Variants in NR6A1 observed in about 807,000 individuals in gnomAD.
The protein encoded by NR6A1 is nuclear receptor subfamily 6 group A member 1.
Under a neutral mutation model 59.1 loss-of-function variants are expected in NR6A1, and 7 were observed. That is an observed-to-expected ratio of 0.12 (90% CI 0.07 to 0.22). The LOEUF (loss-of-function observed/expected upper bound fraction) is 0.22, where lower values mean the gene tolerates loss of function less well. Among genes scored for constraint, NR6A1 ranks in the 10% least tolerant of loss-of-function variants. The pLI is 1.00. For synonymous variants in NR6A1, 243 were observed against 236.1 expected (o/e 1.03, Z -0.27); for missense variants, 468 against 611.6 (o/e 0.77, Z 2.48).
intron 2 of NR6A1, among the ~76,000 whole-genome samples, chr9:124,610,955 A>G (rs1260412439): frequency 6.6e-6 from 1 of 152,168 alleles, no homozygotes; most frequent in Admixed American, 6.5e-5. Context: ...TTTTGACCCC[A>G]AATAACTTTC....
At chr9:124,712,537 G>A (rs1265194942) in intron 2 of NR6A1, among the ~76,000 whole-genome samples, 1 of 151,870 alleles carries the variant, frequency 6.6e-6, no homozygotes, top group African/African-American at 2.4e-5. Context: ...GAACCTGGGA[G>A]GCGAAGGATG....
At chr9:124,533,180 G>T (rs892801799) in intron 7 of NR6A1, among the ~76,000 whole-genome samples, 21 of 152,250 alleles carry the variant, frequency 1.4e-4, no homozygotes, top group Non-Finnish European at 2.2e-4. Flanking sequence ...CAGGCACCCA[G>T]AGAGGCTGGG....
chr9:124,561,726 T>C (rs192065712), intron 2 of NR6A1, among the ~76,000 whole-genome samples: 149 of 152,040 alleles, frequency 9.8e-4, no homozygotes, highest in Middle Eastern at 3.4e-3. Flanking sequence ...AGCTTGGCCA[T>C]CATGGTGAAA....
At chr9:124,734,845 G>A (rs919780121) in intron 1 of NR6A1, among the ~76,000 whole-genome samples, 6 of 152,042 alleles carry the variant, frequency 3.9e-5, no homozygotes, top group East Asian at 1.9e-4. Flanking sequence ...TAAACACTAC[G>A]ACTTTGTTTT....
chr9:124,652,583 T>C (rs1837137492), intron 2 of NR6A1, among the ~76,000 whole-genome samples: 1 of 152,194 alleles, frequency 6.6e-6, no homozygotes, highest in Admixed American at 6.5e-5. Context: ...GACACAGCCT[T>C]ATCCTCCAAG....
intron 2 of NR6A1, among the ~76,000 whole-genome samples, chr9:124,604,212 C>A (rs1835518555): frequency 6.6e-6 from 1 of 152,130 alleles, no homozygotes; most frequent in Non-Finnish European, 1.5e-5. Context: ...AATCTCACAT[C>A]CTGATATCCA....
chr9:124,753,188 T>C (rs958299009), intron 1 of NR6A1, among the ~76,000 whole-genome samples: 8 of 152,228 alleles, frequency 5.3e-5, no homozygotes, highest in African/African-American at 1.7e-4. Flanking sequence ...TCAATCCTTC[T>C]GATTACATCA....
At chr9:124,698,400 A>G (rs1189642633) in intron 2 of NR6A1, 1 of 152,248 alleles carries the variant, frequency 6.6e-6, no homozygotes, top group African/African-American at 2.4e-5. Flanking sequence ...TGTCCTGTGG[A>G]AAGCACAGCT....
intron 1 of NR6A1, among the ~76,000 whole-genome samples, chr9:124,751,339 T>A (rs1480593967): frequency 6.6e-6 from 1 of 152,230 alleles, no homozygotes; most frequent in Non-Finnish European, 1.5e-5. Flanking sequence ...ACATATCCTC[T>A]AAGAACGAGA....
chr9:124,603,608 A>G (rs1835505323), intron 2 of NR6A1, among the ~76,000 whole-genome samples: 1 of 152,166 alleles, frequency 6.6e-6, no homozygotes, highest in African/African-American at 2.4e-5. Context: ...CGATCTTTTG[A>G]TTAACATATA....
rs374822441 is a variant in NR6A1, at chr9:124,591,976, G to A, written c.143-37406C>T. Among the ~76,000 whole-genome samples, 176 of 152,274 alleles carry A rather than the reference G, an allele frequency of 1.2e-3. 2 individuals are homozygous for A. The highest frequency in any genetic ancestry group is 3.8e-3 in the African/African-American group (156 of 41,562). On this transcript the variant is annotated intron_variant, in intron 2 of 9. Transcript: ENST00000487099. ...TGCAAAAAGAAGATTCTTGCAAATA[G>A]ATTAATTTCCTCGGCTTAAAAAGAA...
intron 2 of NR6A1, 124 bp from the exon 3 acceptor site, chr9:124,554,694 G>C: frequency 8.0e-7 from 1 of 1,253,382 alleles, no homozygotes; most frequent in Non-Finnish European, 1.1e-6. Flanking sequence ...GGCAAACAGG[G>C]GGCCCATCTT....
At chr9:124,545,702 G>A (rs1439165962) in intron 3 of NR6A1, among the ~76,000 whole-genome samples, 3 of 152,110 alleles carry the variant, frequency 2.0e-5, no homozygotes, top group African/African-American at 7.2e-5. Context: ...TTAATAGTTC[G>A]GCTGTTACCT....
chr9:124,519,085 C>T lies in NR6A1; in HGVS notation c.*3620G>A, dbSNP rs766113327. On this transcript the variant is annotated 3_prime_UTR_variant, in exon 10 of 10. Coordinates refer to ENST00000487099, the MANE Select transcript of NR6A1 (RefSeq NM_033334.4). The stretch of plus-strand genomic sequence containing the variant: ...AGGAAATGGGTAACAGAGCAATGCA[C>T]CTAGCTCAGAGCCCAGGATTTTAAG... The T allele has an allele frequency of 5.3e-5, 8 of 152,204 alleles. No homozygotes were observed. Among genetic ancestry groups the T allele is most frequent in the Non-Finnish European group, 8.8e-5 (6 of 68,052 alleles). 9.4% of individuals were successfully genotyped at this position (152,204 alleles called of 1,614,324 possible).
At chr9:124,575,790 ATG>A (rs755644317) in intron 2 of NR6A1, among the ~76,000 whole-genome samples, 2 of 152,180 alleles carry the variant, frequency 1.3e-5, no homozygotes, top group Non-Finnish European at 2.9e-5. Context: ...TGTAAAGTAC[ATG>A]TACTTGGAAT....
In NR6A1 at chr9:124,706,757, CCA is replaced by C. The variant is rs534671123; in HGVS notation, c.142+26549_142+26550del. 6.0e-4 allele frequency among the ~76,000 whole-genome samples: 91 copies of C among 152,144 alleles called. 1 individual carries two copies. In the South Asian group the frequency reaches 0.018, roughly 30 times the overall value. On this transcript the variant is annotated intron_variant, in intron 2 of 9. Coordinates refer to ENST00000487099, the MANE Select transcript of NR6A1 (RefSeq NM_033334.4). ...GGTCTCAATCTCCCGACCTCGTGAT[CCA>C]CCCACCTCAGCCTCCCAAAGTGCTG...
chr9:124,598,811 C>T, intron 2 of NR6A1: 1 of 827,422 alleles, frequency 1.2e-6, no homozygotes, highest in East Asian at 2.8e-5. Flanking sequence ...TTTGCCGGAT[C>T]TTTTCTTTTC....
chr9:124,727,357 T>C (rs1351727018), intron 2 of NR6A1, among the ~76,000 whole-genome samples: 6 of 152,226 alleles, frequency 3.9e-5, no homozygotes, highest in African/African-American at 1.4e-4. Flanking sequence ...ACCACTGTGA[T>C]TTTTTTATAA....
At chr9:124,723,277 C>T (rs955358287) in intron 2 of NR6A1, among the ~76,000 whole-genome samples, 7 of 152,142 alleles carry the variant, frequency 4.6e-5, no homozygotes, top group South Asian at 2.1e-4. Context: ...GTGTGTAATT[C>T]GAGTATCTGT....
Sources: allele counts gnomAD v4.1 joint callset (sites outside exome capture counted in the v4.1 genomes callset), GRCh38; gene constraint gnomAD v4.1.1; transcripts MANE v1.5; gene names NCBI Gene and HGNC (gene_info 2026-07-23, HGNC 2026-07-21).